Variants in MYLK observed in about 807,000 individuals in gnomAD.
MYLK encodes myosin light chain kinase.
Under a neutral mutation model 203.4 loss-of-function variants are expected in MYLK, and 106 were observed. The ratio of observed to expected loss-of-function variants is 0.52; its 90% CI spans 0.45 to 0.61. The LOEUF (loss-of-function observed/expected upper bound fraction) is 0.61, where lower values mean the gene tolerates loss of function less well. Among genes scored for constraint, MYLK ranks in the 20% least tolerant of loss-of-function variants. The probability of loss-of-function intolerance (pLI) is 0.00; values close to 1 mark genes in which losing one functional copy is unlikely to be tolerated. For synonymous variants in MYLK, 867 were observed against 959.5 expected, an observed-to-expected ratio of 0.90 and a Z score of 1.78; for missense variants, 2,072 against 2,442.3, an observed-to-expected ratio of 0.85 and a Z score of 3.20.
intron 4 of MYLK, among the ~76,000 whole-genome samples, chr3:123,768,007 G>T (rs1221800028): frequency 6.6e-6 from 1 of 152,172 alleles, no homozygotes; most frequent in Non-Finnish European, 1.5e-5. Context: ...CCTAGGCTCT[G>T]GGAATGCTGA....
intron 16 of MYLK, among the ~76,000 whole-genome samples, chr3:123,702,522 G>A (rs1038209110): frequency 6.6e-6 from 1 of 152,194 alleles, no homozygotes; most frequent in Non-Finnish European, 1.5e-5. Context: ...TCTGACAACA[G>A]TGCTCCCACT....
chr3:123,769,245 C>T (rs1454248513), intron 4 of MYLK, among the ~76,000 whole-genome samples: 3 of 152,146 alleles, frequency 2.0e-5, no homozygotes, highest in African/African-American at 4.8e-5. Context: ...GGAGTTGGTG[C>T]TATAAAAGTT....
intron 29 of MYLK, among the ~76,000 whole-genome samples, chr3:123,630,031 A>G (rs1186661492): frequency 6.6e-6 from 1 of 151,934 alleles, no homozygotes; most frequent in Non-Finnish European, 1.5e-5. Flanking sequence ...GGTAGTGATC[A>G]CCACTGCACC....
Position 123,666,276 on chromosome 3 carries a change from A to C in MYLK, c.3774T>G (p.Phe1258Leu). ...TGGGCTGAGTGCCTGTCACTTTGCC[A>C]AACAGCTCCACTGACTCTCCTGCGC... ...KVRAGESVEL[F>L]GKVTGTQPIT... Residue 1258 changes from phenylalanine (F) to leucine (L), a missense_variant, in exon 22 of 34, where the codon TTT becomes TTG. By Grantham distance (22) the Phe-to-Leu change is conservative (BLOSUM62 0). Coordinates refer to ENST00000360304, the MANE Select transcript of MYLK (RefSeq NM_053025.4). The C allele has an allele frequency of 6.2e-7, 1 of 1,614,214 alleles. No homozygotes were observed. The highest frequency in any genetic ancestry group is 2.2e-5 in the East Asian group (1 of 44,888).
chr3:123,710,385 G>A (rs944218953), intron 13 of MYLK, among the ~76,000 whole-genome samples: 3 of 152,246 alleles, frequency 2.0e-5, no homozygotes, highest in Admixed American at 1.3e-4. Flanking sequence ...ATGAAAGCAC[G>A]TTACACAAAA....
intron 28 of MYLK, chr3:123,639,015 C>T: frequency 2.0e-6 from 2 of 985,486 alleles, no homozygotes; most frequent in South Asian, 4.7e-5. Context: ...CTTTCTGCTA[C>T]ATTTTAGCCA....
rs1194817371 is a variant in MYLK, at chr3:123,629,364, C to T, written c.5114+110G>A. On this transcript the variant is annotated intron_variant, in intron 30 of 33. Transcript: ENST00000360304. This position sits in a 1 kb window ranked among gnomAD's most constrained non-coding sequence, Gnocchi z 4.4. ...CTTCCTCAGGGAATGCTAGGAACGA[C>T]CCAAGGCGGGGTGGCAAGGAGGGCA... The T allele has an allele frequency of 7.3e-7, 1 of 1,376,734 alleles. No homozygotes were observed. Among genetic ancestry groups the T allele is most frequent in the East Asian group, 2.4e-5 (1 of 42,540 alleles). The allele number at this position is 1,376,734 out of a possible 1,614,324, so 85.3% of individuals were successfully genotyped here.
At chr3:123,734,325 G>A in intron 9 of MYLK, 103 bp from the exon 10 acceptor site, 1 of 1,226,570 alleles carries the variant, frequency 8.2e-7, no homozygotes, top group Non-Finnish European at 1.1e-6. Flanking sequence ...ACGGATTCCA[G>A]GGATCACAAA....
chr3:123,733,128 G>A, intron 10 of MYLK, 26 bp from the exon 11 acceptor site: 1 of 1,607,088 alleles, frequency 6.2e-7, no homozygotes, highest in Non-Finnish European at 8.5e-7. Flanking sequence ...AAGAACGTGA[G>A]CTCCCTATGC....
intron 5 of MYLK, 42 bp downstream of exon 5, chr3:123,752,289 A>G: frequency 6.2e-7 from 1 of 1,603,290 alleles, no homozygotes; most frequent in South Asian, 1.1e-5. Context: ...GGGGTAACTG[A>G]GAGCTCAGCT....
At chr3:123,690,667 T>C (rs2060626749) in intron 19 of MYLK, among the ~76,000 whole-genome samples, 2 of 152,166 alleles carry the variant, frequency 1.3e-5, no homozygotes, top group South Asian at 4.2e-4. Flanking sequence ...TCTGTAAGTA[T>C]AGCAACAGGG....
chr3:123,788,248 A>C (rs961413897), intron 4 of MYLK, among the ~76,000 whole-genome samples: 4 of 152,176 alleles, frequency 2.6e-5, no homozygotes, highest in African/African-American at 9.7e-5. Flanking sequence ...GAAGAAATTC[A>C]AGCACCTAAT....
At chr3:123,782,192 C>T (rs1220230338) in intron 4 of MYLK, among the ~76,000 whole-genome samples, 1 of 152,148 alleles carries the variant, frequency 6.6e-6, no homozygotes, top group Non-Finnish European at 1.5e-5. Context: ...GGGCTCTTTC[C>T]ACAACACACT....
Position 123,700,651 on chromosome 3 carries a change from A to T in MYLK, c.2817T>A (p.Ser939=). 1 of 1,614,040 alleles carries T rather than the reference A, an allele frequency of 6.2e-7. No individual in the cohort carries two copies. Among genetic ancestry groups the T allele is most frequent in the Non-Finnish European group, 8.5e-7 (1 of 1,180,010 alleles). The change falls in exon 18 of 34, where the codon TCT becomes TCA. Residue 939 remains serine, a synonymous_variant. Transcript: ENST00000360304. ...LQRQVKPKTV[S]EEERKVHSPQ... ...GGCTGTGCACCTTCCTCTCTTCCTC[A>T]GACACAGTCTTTGGCTTCACTTGCC...
At chr3:123,788,737 T>C (rs1487868757) in intron 4 of MYLK, among the ~76,000 whole-genome samples, 1 of 152,156 alleles carries the variant, frequency 6.6e-6, no homozygotes, top group Non-Finnish European at 1.5e-5. Flanking sequence ...TTCAGTATTC[T>C]CATGTTCCCT....
rs926431265 is a variant in MYLK, at chr3:123,648,338, C to T, written c.4415+633G>A. 2.0e-5 allele frequency among the ~76,000 whole-genome samples: 3 copies of T among 152,172 alleles called. No homozygotes were observed. The highest frequency in any genetic ancestry group is 4.8e-5 in the African/African-American group (2 of 41,448). On this transcript the variant is annotated intron_variant, in intron 26 of 33. Transcript: ENST00000360304. The surrounding 1 kb of genome is among the most constrained non-coding windows in gnomAD (Gnocchi z 4.5). ...TCATGAGGGAGCTTGATGACTGCTG[C>T]GCGTTTAATGGAGCACTAACGCAGG...
intron 13 of MYLK, 128 bp from the exon 14 acceptor site, chr3:123,710,021 TAAAG>T: frequency 1.6e-6 from 2 of 1,244,576 alleles, no homozygotes; most frequent in Non-Finnish European, 2.3e-6. Flanking sequence ...AGCTAACAGA[TAAAG>T]AGTGTTTGGA....
chr3:123,744,978 A>G (rs2062971689), intron 5 of MYLK, among the ~76,000 whole-genome samples: 1 of 152,126 alleles, frequency 6.6e-6, no homozygotes. Context: ...TATATATACA[A>G]TTATATGAGG....
chr3:123,668,915 A>G (rs1355907079), intron 20 of MYLK, among the ~76,000 whole-genome samples: 2 of 152,174 alleles, frequency 1.3e-5, no homozygotes, highest in Non-Finnish European at 2.9e-5. Flanking sequence ...CTGTATATCA[A>G]TGGGCCTGGC....
Sources: gnomAD v4.1 joint callset for allele counts (sites outside exome capture counted in the v4.1 genomes callset) on GRCh38, gnomAD v4.1.1 for gene constraint, Gnocchi (gnomAD v3.1) non-coding constraint, MANE v1.5 for transcripts, NCBI Gene and HGNC (gene_info 2026-07-23, HGNC 2026-07-21) for gene names.